GORAB: variants seen among roughly 807,000 people sequenced by gnomAD.
The protein encoded by GORAB is golgin, RAB6 interacting, also known as RAB6-interacting golgin.
A neutral mutation model predicts 29.9 loss-of-function variants in GORAB; 17 were observed. The ratio of observed to expected loss-of-function variants is 0.57; its 90% confidence interval spans 0.39 to 0.85. The LOEUF is 0.85. Among genes scored for constraint, GORAB ranks in the 40% least tolerant of loss-of-function variants. The pLI is 0.00. For missense variants in GORAB, 442 were observed against 437.8 expected, an observed-to-expected ratio of 1.01 and a Z score of -0.09; for synonymous variants, 183 against 157.2, an observed-to-expected ratio of 1.16 and a Z score of -1.23.
At chr1:170,539,955 C>A (rs1412691056) in intron 2 of GORAB, among the ~76,000 whole-genome samples, 1 of 149,328 alleles carries the variant, frequency 6.7e-6, no homozygotes, top group Non-Finnish European at 1.5e-5. Context: ...AGAAGCAGTT[C>A]TTTTTTTCTT....
In GORAB at chr1:170,532,303, A is replaced by G. The variant is rs1316850508; in HGVS notation, c.61+19A>G. On this transcript the variant is annotated intron_variant, in intron 1 of 4. Coordinates refer to ENST00000367763, the MANE Select transcript of GORAB (RefSeq NM_152281.3). Reference sequence around the variant, plus strand: ...ACTAAAGGTTACAAGATGGGTTTACAGTGGTTTAATTCTTGGGTCTTAAGG... The same window carrying G: ...ACTAAAGGTTACAAGATGGGTTTACGGTGGTTTAATTCTTGGGTCTTAAGG... 3 of 1,613,648 alleles carry G rather than the reference A, an allele frequency of 1.9e-6. No individual in the cohort carries two copies. Among genetic ancestry groups the G allele is most frequent in the Non-Finnish European group, 2.5e-6 (3 of 1,179,648 alleles).
At chr1:170,547,367 A>T (rs1649824810) in intron 4 of GORAB, among the ~76,000 whole-genome samples, 1 of 152,118 alleles carries the variant, frequency 6.6e-6, no homozygotes, top group Non-Finnish European at 1.5e-5. Context: ...CTCTGAGAAG[A>T]CTAGCACTTT....
chr1:170,541,111 C>T (rs956170854), intron 2 of GORAB, among the ~76,000 whole-genome samples: 5 of 136,132 alleles, frequency 3.7e-5, no homozygotes, highest in East Asian at 4.7e-4. Context: ...GACTGAGGCA[C>T]AAGAATTGCT....
chr1:170,536,255 A>G (rs1174129523), intron 1 of GORAB: 2 of 152,196 alleles, frequency 1.3e-5, no homozygotes, highest in Admixed American at 6.5e-5. Flanking sequence ...ATTGAAATAT[A>G]TTCTCTTTAA....
chr1:170,539,079 T>C, intron 1 of GORAB, 131 bp from the exon 2 acceptor site: 1 of 1,118,952 alleles, frequency 8.9e-7, no homozygotes, highest in South Asian at 1.4e-5. Context: ...CCCTAGACTT[T>C]CAAGATAGAG....
intron 1 of GORAB, among the ~76,000 whole-genome samples, chr1:170,532,943 A>G (rs185377864): frequency 9.2e-5 from 14 of 152,340 alleles, no homozygotes; most frequent in African/African-American, 2.6e-4. Flanking sequence ...CTCTGGCTTT[A>G]TAGAGTAATC....
intron 2 of GORAB, among the ~76,000 whole-genome samples, chr1:170,541,633 T>A (rs1347766269): frequency 2.6e-5 from 4 of 152,166 alleles, no homozygotes; most frequent in Non-Finnish European, 5.9e-5. Context: ...GTAATAGGAA[T>A]AAATAGCTTT....
At chr1:170,551,821 G>T (rs1650126718) in intron 4 of GORAB, among the ~76,000 whole-genome samples, 194 bp from the exon 5 acceptor site, 1 of 152,308 alleles carries the variant, frequency 6.6e-6, no homozygotes, top group South Asian at 2.1e-4. Flanking sequence ...TTCAAGTAAG[G>T]ATACTGTGAA....
At chr1:170,543,374 TC>T (rs981165550) in intron 3 of GORAB, among the ~76,000 whole-genome samples, 9 of 152,240 alleles carry the variant, frequency 5.9e-5, no homozygotes, top group African/African-American at 2.2e-4. Flanking sequence ...TTTTTAGACT[TC>T]CAGAAAAGTC....
At position 170,532,236 on chromosome 1, in the gene GORAB, T is replaced by G; in HGVS notation, c.13T>G (p.Trp5Gly). MAQG[W>G]AGFSEEELRR... ...GTGGCCCGGGCCGATGGCGCAAGGT[T>G]GGGCAGGATTCTCTGAGGAGGAACT... The change falls in exon 1 of 5, where the codon TGG becomes GGG. Residue 5 changes from tryptophan to glycine, a missense_variant. Transcript: ENST00000367763. The G allele has an allele frequency of 6.2e-7, 1 of 1,614,052 alleles. No individual in the cohort carries two copies. The highest frequency in any genetic ancestry group is 1.3e-5 in the African/African-American group (1 of 74,996).
intron 2 of GORAB, 78 bp downstream of exon 2, chr1:170,539,645 A>G: frequency 1.4e-6 from 2 of 1,449,920 alleles, no homozygotes; most frequent in Non-Finnish European, 1.9e-6. Context: ...AGGAAATATA[A>G]TTTGTTTATT....
At chr1:170,551,993 A>G (rs1279953099) in intron 4 of GORAB, 22 bp from the exon 5 acceptor site, 3 of 1,604,560 alleles carry the variant, frequency 1.9e-6, no homozygotes, top group Middle Eastern at 1.7e-4. Flanking sequence ...TGATGGACCT[A>G]TCTTTATACA....
At chr1:170,545,387 CTT>C in intron 4 of GORAB, 1 of 952,278 alleles carries the variant, frequency 1.1e-6, no homozygotes, top group Non-Finnish European at 1.2e-6. Flanking sequence ...TTTTTTTTTC[CTT>C]TCAATTATAC....
chr1:170,545,025 C>T (rs1649670669), intron 4 of GORAB, 180 bp downstream of exon 4: 3 of 1,332,264 alleles, frequency 2.3e-6, no homozygotes, highest in Middle Eastern at 2.8e-4. Context: ...TCTTCCTTAA[C>T]TCTGCCCTAC....
chr1:170,551,050 T>C (rs1650077191), intron 4 of GORAB, among the ~76,000 whole-genome samples: 2 of 152,198 alleles, frequency 1.3e-5, no homozygotes, highest in African/African-American at 4.8e-5. Context: ...TTTATACATG[T>C]GTAACTATGT....
rs767902845 is a variant in GORAB at position 170,532,223 on chromosome 1, G to A, written c.-1G>A. ...TTTGGGGGTGCCGGTGGCCCGGGCC[G>A]ATGGCGCAAGGTTGGGCAGGATTCT... On this transcript the variant is annotated 5_prime_UTR_variant, in exon 1 of 5. Coordinates refer to ENST00000367763, the MANE Select transcript of GORAB (RefSeq NM_152281.3). 6.2e-7 allele frequency: 1 copy of A among 1,613,962 alleles called. No homozygotes were observed. The highest frequency in any genetic ancestry group is 1.3e-5 in the African/African-American group (1 of 74,916).
chr1:170,544,637 T>C lies in GORAB; in HGVS notation c.522-68T>C, dbSNP rs993265536. ...TATATGCAGTATCTTGCTTTTTCACTTACATTGTATATGGACACATGGTTT... is the reference window on the plus strand; with the variant it reads ...TATATGCAGTATCTTGCTTTTTCACCTACATTGTATATGGACACATGGTTT... On this transcript the variant is annotated intron_variant, in intron 3 of 4. Transcript: ENST00000367763. 3 of 1,364,980 alleles carry C rather than the reference T, an allele frequency of 2.2e-6. No homozygotes were observed. The African/African-American group carries it at 4.3e-5, about 20-fold the overall frequency. 84.6% of individuals were successfully genotyped at this position (1,364,980 alleles called of 1,614,324 possible). A position where few individuals can be genotyped will look rare whatever the true frequency, so the allele number is the denominator to read the frequency against.
intron 4 of GORAB, 116 bp from the exon 5 acceptor site, chr1:170,551,899 A>C: frequency 1.3e-5 from 11 of 836,186 alleles, no homozygotes; most frequent in Non-Finnish European, 2.2e-5. Context: ...TAATATCCGT[A>C]TCTTCATTAT....
chr1:170,544,759 G>T lies in GORAB; in HGVS notation c.576G>T (p.Leu192Phe), dbSNP rs762378708. 6.2e-7 allele frequency: 1 copy of T among 1,614,008 alleles called. No individual in the cohort carries two copies. Among genetic ancestry groups the T allele is most frequent in the Admixed American group, 1.7e-5 (1 of 60,022 alleles). The stretch of plus-strand genomic sequence containing the variant: ...AACTAAAGCGGATCCAGAAGGAGTT[G>T]CAGGCTTTAGATGACATGGTGTCAG... ...TMKLKRIQKE[L>F]QALDDMVSAD... The change falls in exon 4 of 5, where the codon TTG becomes TTT. Residue 192 changes from leucine to phenylalanine, a missense_variant. By Grantham distance (22) the Leu-to-Phe change is conservative (BLOSUM62 0). Coordinates refer to ENST00000367763, the MANE Select transcript of GORAB (RefSeq NM_152281.3).
Sources: gnomAD v4.1 joint callset for allele counts (sites outside exome capture counted in the v4.1 genomes callset) on GRCh38, gnomAD v4.1.1 for gene constraint, MANE v1.5 for transcripts, NCBI Gene and HGNC (gene_info 2026-07-23, HGNC 2026-07-21) for gene names.